EBF3: variants seen among roughly 807,000 people sequenced by gnomAD.
EBF3 encodes the protein EBF transcription factor 3, also known as transcription factor COE3.
EBF3 carries 18 observed loss-of-function variants against 77.1 expected under a neutral mutation model. The observed-to-expected ratio is 0.23, with a 90% CI of 0.16 to 0.35. The LOEUF (loss-of-function observed/expected upper bound fraction) is 0.35, where lower values mean the gene tolerates loss of function less well. Ranked by LOEUF, EBF3 falls within the 10% of genes least tolerant of loss-of-function variation. The probability of loss-of-function intolerance (pLI) is 1.00; values close to 1 mark genes in which losing one functional copy is unlikely to be tolerated. For synonymous variants in EBF3, 350 were observed against 343.5 expected, an observed-to-expected ratio of 1.02 and a Z score of -0.21; for missense variants, 558 against 860.0, an observed-to-expected ratio of 0.65 and a Z score of 4.39.
chr10:129,913,078 A>G (rs767048962), intron 6 of EBF3, among the ~76,000 whole-genome samples: 23 of 152,240 alleles, frequency 1.5e-4, no homozygotes, highest in Non-Finnish European at 2.6e-4. Flanking sequence ...TCTTTAAACA[A>G]ATGTGTTTCT....
intron 6 of EBF3, among the ~76,000 whole-genome samples, chr10:129,907,440 A>C (rs999078020): frequency 1.3e-5 from 2 of 152,192 alleles, no homozygotes; most frequent in African/African-American, 4.8e-5. Flanking sequence ...TCTCCTCTTA[A>C]ACAGAATTTG....
At position 129,838,632 on chromosome 10, in the gene EBF3, C is replaced by T. The variant is rs537836721; in HGVS notation, c.1872+451G>A. 2.0e-5 allele frequency among the ~76,000 whole-genome samples: 3 copies of T among 152,286 alleles called. No homozygotes were observed. In the East Asian group the frequency reaches 5.8e-4, roughly 29 times the overall value. ...TCAGGAAAGAAGAGAAAACTTTGCA[C>T]GAAAACGCCAAGTGGGGCTGACGCT... On this transcript the variant is annotated intron_variant, in intron 16 of 16. Transcript: ENST00000440978.
At chr10:129,873,971 G>C (rs1355884625) in intron 7 of EBF3, among the ~76,000 whole-genome samples, 9 of 152,284 alleles carry the variant, frequency 5.9e-5, no homozygotes, top group African/African-American at 1.2e-4. Context: ...TGATTAGAAA[G>C]TTTATCTAAT....
chr10:129,912,503 T>C (rs1855596835), intron 6 of EBF3, among the ~76,000 whole-genome samples: 1 of 152,186 alleles, frequency 6.6e-6, no homozygotes. Context: ...CATTCTCGGC[T>C]TCTCTAGGAG....
chr10:129,880,140 G>A (rs1405049187), intron 6 of EBF3, among the ~76,000 whole-genome samples: 1 of 152,198 alleles, frequency 6.6e-6, no homozygotes, highest in Non-Finnish European at 1.5e-5. Flanking sequence ...ACTCGGCACT[G>A]TCATGAAGAG....
intron 6 of EBF3, among the ~76,000 whole-genome samples, chr10:129,889,841 G>C (rs1401125781): frequency 4.0e-5 from 6 of 149,070 alleles, no homozygotes; most frequent in African/African-American, 1.5e-4. Flanking sequence ...AGAGGCTCAG[G>C]ACATGCAGAG....
chr10:129,843,391 G>C (rs77585913), intron 11 of EBF3, 189 bp from the exon 12 acceptor site: 1 of 552,982 alleles, frequency 1.8e-6, no homozygotes, highest in Admixed American at 3.0e-5. Context: ...ACTGTTTGTG[G>C]CCTTTACAAG....
At chr10:129,961,347 G>A (rs1463859658) in intron 4 of EBF3, among the ~76,000 whole-genome samples, 1 of 152,082 alleles carries the variant, frequency 6.6e-6, no homozygotes, top group Non-Finnish European at 1.5e-5. Flanking sequence ...GGGGGCGGGG[G>A]GAAATCTTTA....
chr10:129,899,675 G>C (rs868773477), intron 6 of EBF3, among the ~76,000 whole-genome samples: 1 of 152,198 alleles, frequency 6.6e-6, no homozygotes, highest in Non-Finnish European at 1.5e-5. Flanking sequence ...GGACACACCA[G>C]GGGCCACACT....
rs541648975 is a variant in EBF3 at position 129,875,798 on chromosome 10, C to T, written c.636+1970G>A. Among the ~76,000 whole-genome samples the T allele has an allele frequency of 3.3e-5, 5 of 152,338 alleles. 1 individual carries two copies. In the South Asian group the frequency reaches 1.0e-3, roughly 32 times the overall value. On this transcript the variant is annotated intron_variant, in intron 7 of 16. Transcript: ENST00000440978. ...AGGTGGCTTTGCTGCCCCTTTGGTACCACGAGTGGGCCTGGCAGCCTCTGC... is the reference window on the plus strand; with the variant it reads ...AGGTGGCTTTGCTGCCCCTTTGGTATCACGAGTGGGCCTGGCAGCCTCTGC...
At position 129,839,210 on chromosome 10, in the gene EBF3, G is replaced by C; in HGVS notation, c.1760-15C>G. 1 of 1,182,360 alleles carries C rather than the reference G, an allele frequency of 8.5e-7. No homozygotes were observed. Among genetic ancestry groups the C allele is most frequent in the Non-Finnish European group, 1.1e-6 (1 of 877,886 alleles). 73.2% of individuals were successfully genotyped at this position (1,182,360 alleles called of 1,614,324 possible). Reference sequence around the variant, plus strand: ...CAGCAGAGAGCCTGGTACATAGTAGGTGCTCAGTAAATACTGGTTGAATGG... The same window carrying C: ...CAGCAGAGAGCCTGGTACATAGTAGCTGCTCAGTAAATACTGGTTGAATGG... On this transcript the variant is annotated splice_polypyrimidine_tract_variant and intron_variant, in intron 15 of 16. Transcript: ENST00000440978.
At chr10:129,904,730 C>A (rs1855019305) in intron 6 of EBF3, among the ~76,000 whole-genome samples, 1 of 132,736 alleles carries the variant, frequency 7.5e-6, no homozygotes, top group South Asian at 2.4e-4. Flanking sequence ...ATATAGATCT[C>A]TCTATCCATC....
At chr10:129,907,198 G>A (rs1419876010) in intron 6 of EBF3, among the ~76,000 whole-genome samples, 1 of 152,204 alleles carries the variant, frequency 6.6e-6, no homozygotes, top group African/African-American at 2.4e-5. Context: ...TTTTCCATCT[G>A]TCAATCACCT....
Position 129,879,563 on chromosome 10 carries a change from T to C in EBF3, c.555-1714A>G, listed in dbSNP as rs1190497678. ...GGGGGAAAGAGTGGTGGCCACTTAA[T>C]TAAATTTTCCTGCATACCATGAGGC... On this transcript the variant is annotated intron_variant, in intron 6 of 16. Transcript: ENST00000440978. This position sits in a 1 kb window ranked among gnomAD's most constrained non-coding sequence, Gnocchi z 4.7. Among the ~76,000 whole-genome samples, 1 of 152,054 alleles carries C rather than the reference T, an allele frequency of 6.6e-6. No individual in the cohort carries two copies. The highest frequency in any genetic ancestry group is 2.4e-5 in the African/African-American group (1 of 41,424).
intron 6 of EBF3, among the ~76,000 whole-genome samples, chr10:129,894,499 C>T (rs772163804): frequency 6.6e-6 from 1 of 152,158 alleles, no homozygotes; most frequent in Non-Finnish European, 1.5e-5. Flanking sequence ...CTGCAGGGCT[C>T]GGTGACCTAT....
intron 6 of EBF3, among the ~76,000 whole-genome samples, chr10:129,899,924 T>C (rs1419130665): frequency 1.3e-5 from 2 of 152,226 alleles, no homozygotes; most frequent in Admixed American, 6.5e-5. Context: ...GCTGTAAAAA[T>C]AGACCATCAT....
At chr10:129,929,275 G>A (rs1589883905) in intron 6 of EBF3, among the ~76,000 whole-genome samples, 1 of 152,148 alleles carries the variant, frequency 6.6e-6, no homozygotes, top group Non-Finnish European at 1.5e-5. Context: ...TGCGATCTCA[G>A]TTCACTGCAA....
At chr10:129,941,839 C>A (rs1298910174) in intron 6 of EBF3, among the ~76,000 whole-genome samples, 1 of 152,118 alleles carries the variant, frequency 6.6e-6, no homozygotes, top group Non-Finnish European at 1.5e-5. Context: ...CTGCAGAGGC[C>A]AAAACTGCCA....
chr10:129,838,305 ACGGAGGCC>A (rs1050573697), intron 16 of EBF3, among the ~76,000 whole-genome samples: 14 of 152,380 alleles, frequency 9.2e-5, no homozygotes, highest in African/African-American at 3.1e-4. Flanking sequence ...TGCAAAGCCA[ACGGAGGCC>A]CGGAGCCCCC....
Sources: allele counts gnomAD v4.1 joint callset (sites outside exome capture counted in the v4.1 genomes callset), GRCh38; gene constraint gnomAD v4.1.1; non-coding constraint Gnocchi (gnomAD v3.1); transcripts MANE v1.5; gene names NCBI Gene and HGNC (gene_info 2026-07-23, HGNC 2026-07-21).